Variants in CTNNA3 observed in about 807,000 individuals in gnomAD.
The protein encoded by CTNNA3 is catenin alpha-3.
A neutral mutation model predicts 95.7 loss-of-function variants in CTNNA3; 76 were observed. The observed-to-expected ratio is 0.79, with a 90% confidence interval of 0.66 to 0.96. The LOEUF (loss-of-function observed/expected upper bound fraction) is 0.96, where lower values mean the gene tolerates loss of function less well. Ranked by LOEUF, CTNNA3 falls within the 40% of genes least tolerant of loss-of-function variation. The probability of loss-of-function intolerance (pLI) is 0.00; values close to 1 mark genes in which losing one functional copy is unlikely to be tolerated. For missense variants in CTNNA3, 1,191 were observed against 1,089.8 expected (o/e 1.09, Z -1.31); for synonymous variants, 431 against 374.4 (o/e 1.15, Z -1.74).
intron 2 of CTNNA3, among the ~76,000 whole-genome samples, chr10:67,641,740 A>G (rs201391264): frequency 6.6e-6 from 1 of 152,036 alleles, no homozygotes; most frequent in Non-Finnish European, 1.5e-5. Flanking sequence ...CATCATTCTC[A>G]GCAAACTATC....
At chr10:67,655,822 T>C (rs1003529807) in intron 1 of CTNNA3, among the ~76,000 whole-genome samples, 4 of 151,210 alleles carry the variant, frequency 2.6e-5, no homozygotes, top group African/African-American at 9.7e-5. Flanking sequence ...AATGCATAAC[T>C]GAACTTTATA....
intron 11 of CTNNA3, among the ~76,000 whole-genome samples, chr10:66,512,774 A>G (rs931011977): frequency 4.6e-5 from 7 of 152,096 alleles, no homozygotes; most frequent in Non-Finnish European, 1.0e-4. Flanking sequence ...TATGGTTTAT[A>G]GTATTCTTAG....
intron 1 of CTNNA3, among the ~76,000 whole-genome samples, chr10:67,707,035 A>G (rs531489166): frequency 4.6e-5 from 7 of 152,188 alleles, no homozygotes; most frequent in African/African-American, 1.7e-4. Flanking sequence ...TCCTTCATTC[A>G]TTCTTTTCCC....
chr10:66,017,922 G>A (rs1031074831), intron 15 of CTNNA3, among the ~76,000 whole-genome samples: 1 of 151,904 alleles, frequency 6.6e-6, no homozygotes, highest in Non-Finnish European at 1.5e-5. Context: ...ATCCTATACG[G>A]CCTCCTTTAT....
chr10:66,727,473 C>A (rs1295472576), intron 9 of CTNNA3, among the ~76,000 whole-genome samples: 4 of 152,062 alleles, frequency 2.6e-5, no homozygotes, highest in African/African-American at 7.2e-5. Context: ...GAACATCTTT[C>A]TTTGCCAGAT....
intron 13 of CTNNA3, among the ~76,000 whole-genome samples, chr10:66,198,804 A>G (rs1279950153): frequency 6.6e-6 from 1 of 152,230 alleles, no homozygotes; most frequent in African/African-American, 2.4e-5. Context: ...CAAAAGTCCT[A>G]TGAGCGAACA....
intron 6 of CTNNA3, among the ~76,000 whole-genome samples, chr10:67,182,131 A>G (rs1862583288): frequency 1.3e-5 from 2 of 152,170 alleles, no homozygotes; most frequent in Admixed American, 1.3e-4. Context: ...TAATTTATAG[A>G]TTCAATGCCA....
chr10:65,946,027 G>T (rs1312098675), intron 17 of CTNNA3, among the ~76,000 whole-genome samples: 1 of 152,132 alleles, frequency 6.6e-6, no homozygotes, highest in Non-Finnish European at 1.5e-5. Context: ...AACATTAAAT[G>T]TACATACTTT....
intron 9 of CTNNA3, among the ~76,000 whole-genome samples, chr10:66,720,819 A>C (rs1004677772): frequency 6.6e-5 from 10 of 152,006 alleles, no homozygotes; most frequent in Admixed American, 5.2e-4. Flanking sequence ...GGTGACAGAG[A>C]GAGACCCTGT....
At position 66,927,885 on chromosome 10, in the gene CTNNA3, TGTA is replaced by T; in HGVS notation, c.1048-152364_1048-152362del. 6.2e-7 allele frequency: 1 copy of T among 1,614,248 alleles called. No homozygotes were observed. Among genetic ancestry groups the T allele is most frequent in the Non-Finnish European group, 8.5e-7 (1 of 1,180,042 alleles). On this transcript the variant is annotated intron_variant, in intron 7 of 17. Coordinates refer to ENST00000433211, the MANE Select transcript of CTNNA3 (RefSeq NM_013266.4). The surrounding 1 kb of genome is among the most constrained non-coding windows in gnomAD (Gnocchi z 4.7). Reference sequence around the variant, plus strand: ...AATGCAGCAGAAATATTTGCTCCCTTGTAAACTGGCTGAAAAGTTTTAAAGGTC... The same window carrying T: ...AATGCAGCAGAAATATTTGCTCCCTTAACTGGCTGAAAAGTTTTAAAGGTC...
intron 3 of CTNNA3, among the ~76,000 whole-genome samples, chr10:67,585,410 A>C (rs748619644): frequency 1.3e-5 from 2 of 152,182 alleles, no homozygotes; most frequent in Non-Finnish European, 2.9e-5. Flanking sequence ...CAGGAGGATT[A>C]GAATTAGTGC....
At chr10:66,413,881 A>C (rs1995668) in intron 11 of CTNNA3, among the ~76,000 whole-genome samples, 58,142 of 151,998 alleles carry the variant, frequency 0.38, 11,677 homozygotes, top group African/African-American at 0.5. Context: ...CAATAGGTAC[A>C]ACTTTGTTTG....
chr10:65,920,300 CAT>C lies in CTNNA3; in HGVS notation c.*28_*29del, dbSNP rs1435950488. 6.3e-7 allele frequency: 1 copy of C among 1,577,142 alleles called. No homozygotes were observed. Among genetic ancestry groups the C allele is most frequent in the African/African-American group, 1.4e-5 (1 of 73,396 alleles). On this transcript the variant is annotated 3_prime_UTR_variant, in exon 18 of 18. Coordinates refer to ENST00000433211, the MANE Select transcript of CTNNA3 (RefSeq NM_013266.4). ...GCAGTGTGGTTAGGCAGGATTTTGT[CAT>C]ATAGGCACTATATGTAGAATAGTGG...
chr10:66,188,595 C>CTCTGTG (rs1554883578), intron 13 of CTNNA3, among the ~76,000 whole-genome samples: 7 of 121,036 alleles, frequency 5.8e-5, no homozygotes, highest in South Asian at 2.7e-4. Flanking sequence ...GGGGGGGTCT[C>CTCTGTG]TGTGTGTGTG....
At chr10:66,688,250 C>G (rs1847374707) in intron 9 of CTNNA3, among the ~76,000 whole-genome samples, 1 of 152,102 alleles carries the variant, frequency 6.6e-6, no homozygotes, top group Non-Finnish European at 1.5e-5. Context: ...CCCTTCTGAT[C>G]AAAAGCAATC....
Position 66,292,022 on chromosome 10 carries a change from A to G in CTNNA3, c.1733-11401T>C, listed in dbSNP as rs140817141. Among the ~76,000 whole-genome samples the G allele has an allele frequency of 9.3e-4, 142 of 151,910 alleles. 2 individuals are homozygous for G. In the East Asian group the frequency reaches 0.023, roughly 25 times the overall value. On this transcript the variant is annotated intron_variant, in intron 12 of 17. Transcript: ENST00000433211. ...GGAACACATACAGATATATATACAC[A>G]TACACACATGTATACACACACCAAA...
intron 11 of CTNNA3, among the ~76,000 whole-genome samples, chr10:66,417,444 C>G (rs1194503212): frequency 6.6e-6 from 1 of 151,958 alleles, no homozygotes; most frequent in Non-Finnish European, 1.5e-5. Flanking sequence ...AATTTACCAC[C>G]TTATTCTCAG....
At chr10:66,024,084 C>CTTTTTTT (rs1183185763) in intron 15 of CTNNA3, among the ~76,000 whole-genome samples, 4 of 62,684 alleles carry the variant, frequency 6.4e-5, no homozygotes, top group African/African-American at 1.5e-4. Context: ...ATACCATACA[C>CTTTTTTT]ATTTTTTTTT....
intron 10 of CTNNA3, among the ~76,000 whole-genome samples, chr10:66,619,096 C>T (rs557419224): frequency 7.2e-4 from 109 of 151,738 alleles, no homozygotes; most frequent in African/African-American, 2.5e-3. Context: ...AATAGGAACA[C>T]TTTTACACTG....
Sources: allele counts gnomAD v4.1 joint callset (sites outside exome capture counted in the v4.1 genomes callset), GRCh38; gene constraint gnomAD v4.1.1; non-coding constraint Gnocchi (gnomAD v3.1); transcripts MANE v1.5; gene names NCBI Gene and HGNC (gene_info 2026-07-23, HGNC 2026-07-21).